KLRG1: variants seen among roughly 807,000 people sequenced by gnomAD.
The protein encoded by KLRG1 is killer cell lectin-like receptor subfamily G member 1.
In KLRG1, 16 loss-of-function variants were observed where a neutral mutation model predicts 21.8. The observed-to-expected ratio is 0.73, with a 90% CI of 0.50 to 1.11. The LOEUF (loss-of-function observed/expected upper bound fraction) is 1.11, where lower values mean the gene tolerates loss of function less well. Ranked by LOEUF, KLRG1 falls within the 50% of genes most tolerant of loss-of-function variation. The pLI, the probability that KLRG1 is intolerant of heterozygous loss-of-function variation, is 0.00. For synonymous variants in KLRG1, 69 were observed against 75.9 expected (o/e 0.91, Z 0.47); for missense variants, 173 against 218.3 (o/e 0.79, Z 1.31).
the KLRG1 span, among the ~76,000 whole-genome samples, chr12:9,172,121 A>G: frequency 6.6e-6 from 1 of 152,210 alleles, no homozygotes; most frequent in Non-Finnish European, 1.5e-5. Context: ...AAAAGGAAAC[A>G]TATCATACTA....
chr12:9,104,952 A>C, the KLRG1 span, among the ~76,000 whole-genome samples: 9 of 152,172 alleles, frequency 5.9e-5, no homozygotes, highest in African/African-American at 1.9e-4. Flanking sequence ...GTTGCCTTAG[A>C]CATGGTCTCT....
downstream of KLRG1, among the ~76,000 whole-genome samples, chr12:9,013,458 C>A (rs1412788813): frequency 6.6e-6 from 1 of 152,032 alleles, no homozygotes; most frequent in Non-Finnish European, 1.5e-5. Context: ...AGAGGAAGCT[C>A]AATGAAATTC....
the KLRG1 span, among the ~76,000 whole-genome samples, chr12:9,094,451 G>A: frequency 6.7e-6 from 1 of 148,984 alleles, no homozygotes; most frequent in Non-Finnish European, 1.5e-5. Flanking sequence ...AATAAAATAT[G>A]CGGTAGGCTT....
the KLRG1 span, chr12:9,112,239 C>T: frequency 3.8e-5 from 61 of 1,613,630 alleles, no homozygotes; most frequent in African/African-American, 7.3e-4. Flanking sequence ...TTCATGAGCC[C>T]CCAAACCCAA....
At chr12:9,105,962 A>G in the KLRG1 span, among the ~76,000 whole-genome samples, 1 of 152,176 alleles carries the variant, frequency 6.6e-6, no homozygotes, top group Non-Finnish European at 1.5e-5. Flanking sequence ...TGACTTGTAC[A>G]ATGCTGTTTC....
chr12:9,212,055 A>T, the KLRG1 span, among the ~76,000 whole-genome samples: 3 of 152,058 alleles, frequency 2.0e-5, no homozygotes, highest in Admixed American at 6.5e-5. Context: ...GGTCCTTAGG[A>T]GGGCTCCTAC....
chr12:9,158,752 C>CTTTTTTTTTTTTTTTTTTTTTTTTTT, the KLRG1 span, among the ~76,000 whole-genome samples: 1 of 97,818 alleles, frequency 1.0e-5, no homozygotes. Context: ...TTTTTCTTTT[C>CTTTTTTTTTTTTTTTTTTTTTTTTTT]TTTTCTTTTT....
intron 1 of KLRG1, among the ~76,000 whole-genome samples, chr12:8,980,873 C>T (rs1946743911): frequency 6.6e-6 from 1 of 152,134 alleles, no homozygotes; most frequent in Non-Finnish European, 1.5e-5. Context: ...GCACAGGTTG[C>T]ATGGGTTTTC....
the KLRG1 span, among the ~76,000 whole-genome samples, chr12:9,180,171 A>G: frequency 6.6e-6 from 1 of 152,134 alleles, no homozygotes; most frequent in African/African-American, 2.4e-5. Flanking sequence ...TTTAGGGTAC[A>G]TGTGCACATT....
the KLRG1 span, chr12:9,106,207 G>T: frequency 7.4e-7 from 1 of 1,357,698 alleles, no homozygotes; most frequent in Non-Finnish European, 1.1e-6. Flanking sequence ...CAGTACATGG[G>T]TTGATGAGTG....
the KLRG1 span, chr12:9,080,119 A>G: frequency 1.9e-6 from 3 of 1,589,968 alleles, no homozygotes; most frequent in South Asian, 1.2e-5. Context: ...AAGCTCGGGC[A>G]GATTCTTCTA....
chr12:8,965,009 C>T (rs931297853), intron 1 of KLRG1, among the ~76,000 whole-genome samples: 1 of 152,078 alleles, frequency 6.6e-6, no homozygotes, highest in Non-Finnish European at 1.5e-5. Flanking sequence ...GTCTGTGTCC[C>T]TGGGATGCAA....
At chr12:9,036,062 C>T in the KLRG1 span, among the ~76,000 whole-genome samples, 9 of 152,218 alleles carry the variant, frequency 5.9e-5, no homozygotes, top group South Asian at 2.1e-4. Flanking sequence ...ACCTGGGTAA[C>T]GAAATCATTT....
intron 1 of KLRG1, among the ~76,000 whole-genome samples, chr12:8,975,604 C>G (rs767865283): frequency 1.3e-4 from 20 of 151,632 alleles, no homozygotes; most frequent in Non-Finnish European, 1.2e-4. Context: ...TGTTCTGTTG[C>G]CTAGGCTGGA....
At chr12:9,205,627 G>A in the KLRG1 span, among the ~76,000 whole-genome samples, 56,729 of 151,948 alleles carry the variant, frequency 0.37, 10,636 homozygotes, top group East Asian at 0.45. Context: ...TAATGATTCA[G>A]TGATTCATGA....
chr12:9,194,756 G>A, the KLRG1 span, among the ~76,000 whole-genome samples: 1 of 152,106 alleles, frequency 6.6e-6, no homozygotes, highest in South Asian at 2.1e-4. Flanking sequence ...GAGCCACCGT[G>A]CCCGGCCAAA....
intron 2 of KLRG1, among the ~76,000 whole-genome samples, chr12:8,994,747 T>TG (rs1293994470): frequency 6.6e-6 from 1 of 152,254 alleles, no homozygotes; most frequent in East Asian, 1.9e-4. Flanking sequence ...AGTACACAGA[T>TG]GCATATCATA....
At chr12:9,067,654 G>T in the KLRG1 span, 1 of 716,670 alleles carries the variant, frequency 1.4e-6, no homozygotes, top group Non-Finnish European at 2.5e-6. Flanking sequence ...ATTCTATTGG[G>T]AATCATATGG....
chr12:9,127,968 C>T, the KLRG1 span: 2 of 314,336 alleles, frequency 6.4e-6, no homozygotes, highest in Admixed American at 3.5e-5. Flanking sequence ...GATTGACACC[C>T]GCCGCCTGGC....
Sources: gnomAD v4.1 joint callset for allele counts (sites outside exome capture counted in the v4.1 genomes callset) on GRCh38, gnomAD v4.1.1 for gene constraint, MANE v1.5 for transcripts, NCBI Gene and HGNC (gene_info 2026-07-23, HGNC 2026-07-21) for gene names.